Variants in ARHGEF28 observed in about 807,000 individuals in gnomAD.
The protein encoded by ARHGEF28 is 190 kDa guanine nucleotide exchange factor.
In ARHGEF28, 152 loss-of-function variants were observed where a neutral mutation model predicts 206.6. That is an observed-to-expected ratio of 0.74 (90% CI 0.64 to 0.84). The LOEUF (loss-of-function observed/expected upper bound fraction) is 0.84, where lower values mean the gene tolerates loss of function less well. ARHGEF28 is among the 40% of genes least tolerant of loss of function. The pLI, the probability that ARHGEF28 is intolerant of heterozygous loss-of-function variation, is 0.00. For missense variants in ARHGEF28, 2,028 were observed against 2,073.2 expected, an observed-to-expected ratio of 0.98 and a Z score of 0.42; for synonymous variants, 763 against 776.4, an observed-to-expected ratio of 0.98 and a Z score of 0.29.
chr5:73,687,783 A>G (rs1747565089), intron 2 of ARHGEF28, among the ~76,000 whole-genome samples: 2 of 152,188 alleles, frequency 1.3e-5, no homozygotes, highest in South Asian at 4.1e-4. Context: ...AAAAGAAAAA[A>G]TTAAAACCTC....
chr5:73,845,854 G>A (rs1758304174), intron 11 of ARHGEF28, among the ~76,000 whole-genome samples: 1 of 151,828 alleles, frequency 6.6e-6, no homozygotes, highest in Middle Eastern at 3.2e-3. Flanking sequence ...CGGGCGTGGT[G>A]GCGCACGCCT....
rs1291652172 is a variant in ARHGEF28, at chr5:73,760,489, C to T, written c.475+7287C>T. 2.0e-5 allele frequency among the ~76,000 whole-genome samples: 3 copies of T among 152,266 alleles called. No homozygotes were observed. The East Asian group carries it at 5.8e-4, about 29-fold the overall frequency. ...ACAAACATCTCTACACCTTTTCTGA[C>T]ATTTCAAGCTGGTAGTATACTCCTT... is the stretch of plus-strand genomic sequence containing the variant. On this transcript the variant is annotated intron_variant, in intron 4 of 35. Transcript: ENST00000513042.
intron 9 of ARHGEF28, among the ~76,000 whole-genome samples, chr5:73,807,051 T>C (rs78456472): frequency 1.3e-5 from 2 of 150,462 alleles, no homozygotes; most frequent in Non-Finnish European, 3.0e-5. Flanking sequence ...TTTTTTTTTT[T>C]TTGAAGGTTT....
chr5:73,749,214 A>T (rs1289311392), intron 2 of ARHGEF28, among the ~76,000 whole-genome samples: 1 of 152,208 alleles, frequency 6.6e-6, no homozygotes, highest in African/African-American at 2.4e-5. Context: ...TTTATTTGGC[A>T]ATGTTTGTAA....
chr5:73,847,914 G>T (rs1758465136), intron 12 of ARHGEF28, among the ~76,000 whole-genome samples: 1 of 152,130 alleles, frequency 6.6e-6, no homozygotes, highest in Non-Finnish European at 1.5e-5. Context: ...AAGCCCAAGG[G>T]CCCTTTGAAG....
intron 9 of ARHGEF28, among the ~76,000 whole-genome samples, chr5:73,825,935 TGA>T (rs1251442419): frequency 6.6e-6 from 1 of 151,992 alleles, no homozygotes; most frequent in Non-Finnish European, 1.5e-5. Flanking sequence ...GTTGAAAATG[TGA>T]GAGTCATCAT....
intron 2 of ARHGEF28, among the ~76,000 whole-genome samples, chr5:73,685,462 T>A (rs1051902807): frequency 2.0e-5 from 3 of 152,124 alleles, no homozygotes; most frequent in African/African-American, 7.2e-5. Context: ...GATGGCCTCA[T>A]CTTTCCTCCT....
chr5:73,859,775 C>A (rs1299196938), intron 16 of ARHGEF28, among the ~76,000 whole-genome samples: 3 of 152,048 alleles, frequency 2.0e-5, no homozygotes, highest in South Asian at 4.1e-4. Flanking sequence ...GTTGTTCCAC[C>A]CTTGTGGGTG....
chr5:73,756,822 T>A (rs13354079), intron 4 of ARHGEF28, among the ~76,000 whole-genome samples: 49,983 of 152,118 alleles, frequency 0.33, 9,001 homozygotes, highest in African/African-American at 0.47. Flanking sequence ...TATTAGATAC[T>A]AGGTAGAAGG....
chr5:73,796,495 G>A (rs1300645493), intron 9 of ARHGEF28, among the ~76,000 whole-genome samples: 4 of 152,204 alleles, frequency 2.6e-5, no homozygotes, highest in South Asian at 2.1e-4. Context: ...CCTGGAGGCT[G>A]AGGGAGTGTG....
intron 7 of ARHGEF28, among the ~76,000 whole-genome samples, chr5:73,789,816 T>A (rs1367055538): frequency 6.6e-6 from 1 of 152,110 alleles, no homozygotes; most frequent in Non-Finnish European, 1.5e-5. Flanking sequence ...TCAGTTTGTG[T>A]CACAGCTGAG....
At chr5:73,869,228 G>GGGGGGGGGGA (rs1561471062) in intron 20 of ARHGEF28, among the ~76,000 whole-genome samples, 1 of 128,018 alleles carries the variant, frequency 7.8e-6, no homozygotes, top group Non-Finnish European at 1.6e-5. Flanking sequence ...GGGGTGGAGG[G>GGGGGGGGGGA]GGGTGGGGAA....
At chr5:73,940,017 A>T (rs999488979) in intron 35 of ARHGEF28, among the ~76,000 whole-genome samples, 29 of 151,662 alleles carry the variant, frequency 1.9e-4, no homozygotes, top group Non-Finnish European at 3.2e-4. Flanking sequence ...TTCCATTCCT[A>T]CTCAGGTTTT....
intron 22 of ARHGEF28, among the ~76,000 whole-genome samples, chr5:73,881,037 GTT>G (rs34727630): frequency 0.58 from 85,249 of 146,728 alleles, 24,886 homozygotes; most frequent in African/African-American, 0.65. Flanking sequence ...TTAAGTTCAG[GTT>G]TTTTTTTTTT....
At chr5:73,803,761 A>G (rs1755275377) in intron 9 of ARHGEF28, among the ~76,000 whole-genome samples, 1 of 152,184 alleles carries the variant, frequency 6.6e-6, no homozygotes. Context: ...TTGATTCTTC[A>G]TAATATTTAA....
intron 22 of ARHGEF28, among the ~76,000 whole-genome samples, chr5:73,875,190 T>C (rs1760379322): frequency 6.6e-6 from 1 of 152,110 alleles, no homozygotes; most frequent in African/African-American, 2.4e-5. Context: ...CATTTTTTCA[T>C]GTGTCTTTTG....
intron 2 of ARHGEF28, among the ~76,000 whole-genome samples, chr5:73,713,601 A>C (rs1749386683): frequency 6.6e-6 from 1 of 152,184 alleles, no homozygotes; most frequent in African/African-American, 2.4e-5. Flanking sequence ...ATGTTTGTGA[A>C]TATTATCACC....
chr5:73,701,718 T>A (rs1748615569), intron 2 of ARHGEF28, among the ~76,000 whole-genome samples: 2 of 152,178 alleles, frequency 1.3e-5, no homozygotes, highest in African/African-American at 4.8e-5. Flanking sequence ...CAGCTTATGA[T>A]CTTTTGGGAC....
chr5:73,882,086 T>G (rs80236621), intron 22 of ARHGEF28, among the ~76,000 whole-genome samples: 6,152 of 151,744 alleles, frequency 0.041, 185 homozygotes, highest in Non-Finnish European at 0.053. Flanking sequence ...TGATTTTTTT[T>G]GGGGGGCCAG....
Sources: allele counts gnomAD v4.1 joint callset (sites outside exome capture counted in the v4.1 genomes callset), GRCh38; gene constraint gnomAD v4.1.1; transcripts MANE v1.5; gene names NCBI Gene and HGNC (gene_info 2026-07-23, HGNC 2026-07-21).